RAP1A: variants seen among roughly 807,000 people sequenced by gnomAD.
The protein encoded by RAP1A is ras-related protein Rap-1A.
In RAP1A, 6 loss-of-function variants were observed where a neutral mutation model predicts 26.4. The observed-to-expected ratio is 0.23, with a 90% CI of 0.12 to 0.45. RAP1A has a LOEUF of 0.45. Ranked by LOEUF, RAP1A falls within the 20% of genes least tolerant of loss-of-function variation. The probability of loss-of-function intolerance (pLI) is 0.99; values close to 1 mark genes in which losing one functional copy is unlikely to be tolerated. For missense variants in RAP1A, 121 were observed against 217.2 expected (o/e 0.56, Z 2.78); for synonymous variants, 73 against 79.4 (o/e 0.92, Z 0.43).
At chr1:111,645,474 A>G (rs1253030931) in intron 1 of RAP1A, among the ~76,000 whole-genome samples, 1 of 152,204 alleles carries the variant, frequency 6.6e-6, no homozygotes, top group Non-Finnish European at 1.5e-5. Context: ...CATCAGTTAT[A>G]TAATAATATT....
chr1:111,696,536 G>A (rs894505484), intron 3 of RAP1A, among the ~76,000 whole-genome samples: 1 of 152,164 alleles, frequency 6.6e-6, no homozygotes, highest in African/African-American at 2.4e-5. Context: ...GACCAGTGGT[G>A]CCCCTCATCA....
At chr1:111,649,234 G>A (rs530408438) in intron 1 of RAP1A, 158 of 483,676 alleles carry the variant, frequency 3.3e-4, no homozygotes, top group African/African-American at 2.9e-3. Context: ...TTCTTCTCCA[G>A]GTGCTCCTGG....
intron 6 of RAP1A, among the ~76,000 whole-genome samples, chr1:111,705,989 A>T (rs1283966094): frequency 6.6e-6 from 1 of 152,206 alleles, no homozygotes; most frequent in Admixed American, 6.5e-5. Context: ...AGAGGACAGT[A>T]CACTACATGT....
At chr1:111,710,076 T>C (rs1290996469) in intron 7 of RAP1A, among the ~76,000 whole-genome samples, 1 of 152,212 alleles carries the variant, frequency 6.6e-6, no homozygotes, top group African/African-American at 2.4e-5. Flanking sequence ...TTTTTCAAAG[T>C]GGCTGTACCA....
At chr1:111,629,782 A>G (rs906893577) in intron 1 of RAP1A, among the ~76,000 whole-genome samples, 3 of 152,198 alleles carry the variant, frequency 2.0e-5, no homozygotes, top group African/African-American at 4.8e-5. Flanking sequence ...AAAAGCCCAG[A>G]TCTGGTCAAC....
chr1:111,700,367 T>A (rs1376186551), intron 4 of RAP1A, among the ~76,000 whole-genome samples: 2 of 152,176 alleles, frequency 1.3e-5, no homozygotes, highest in South Asian at 4.1e-4. Flanking sequence ...ACAATCATAG[T>A]GAAAGGCAAA....
At position 111,626,008 on chromosome 1, in the gene RAP1A, T is replaced by C. The variant is rs139035461; in HGVS notation, c.-28+6074T>C. On this transcript the variant is annotated intron_variant, in intron 1 of 7. Coordinates refer to ENST00000369709, the MANE Select transcript of RAP1A (RefSeq NM_002884.4). ...ATGTTTAAGTAACCCCAAATTAGGCTCTTTGATGGATACTGAGATGTGAAG... is the reference window on the plus strand; with the variant it reads ...ATGTTTAAGTAACCCCAAATTAGGCCCTTTGATGGATACTGAGATGTGAAG... 2.0e-3 allele frequency among the ~76,000 whole-genome samples: 305 copies of C among 152,302 alleles called. 2 individuals carry two copies. The highest frequency in any genetic ancestry group is 6.7e-3 in the African/African-American group (280 of 41,564).
intron 1 of RAP1A, among the ~76,000 whole-genome samples, chr1:111,582,270 G>A (rs1259330972): frequency 6.6e-6 from 1 of 152,190 alleles, no homozygotes; most frequent in Non-Finnish European, 1.5e-5. Flanking sequence ...GGGCAGGGCA[G>A]GGGCAGAGGT....
intron 1 of RAP1A, among the ~76,000 whole-genome samples, chr1:111,595,039 A>G (rs1658541677): frequency 6.6e-6 from 1 of 152,220 alleles, no homozygotes; most frequent in South Asian, 2.1e-4. Flanking sequence ...TGCTAAATAT[A>G]TATTACTGTT....
At chr1:111,596,881 G>T (rs1370272191) in intron 1 of RAP1A, among the ~76,000 whole-genome samples, 1 of 152,164 alleles carries the variant, frequency 6.6e-6, no homozygotes, top group Non-Finnish European at 1.5e-5. Flanking sequence ...TCACATTCAG[G>T]ATTAGCTTTC....
At chr1:111,600,929 T>C (rs757290941) in intron 1 of RAP1A, among the ~76,000 whole-genome samples, 5 of 152,236 alleles carry the variant, frequency 3.3e-5, no homozygotes, top group Admixed American at 6.5e-5. Context: ...ACATTCTTTA[T>C]GCATGTGAGC....
intron 1 of RAP1A, among the ~76,000 whole-genome samples, chr1:111,687,838 ACT>A (rs1388421449): frequency 6.6e-6 from 1 of 151,600 alleles, no homozygotes; most frequent in Non-Finnish European, 1.5e-5. Flanking sequence ...ACATAGTGAG[ACT>A]CTGTGTCTAC....
At chr1:111,646,420 T>TA (rs34766711) in intron 1 of RAP1A, among the ~76,000 whole-genome samples, 8,545 of 106,760 alleles carry the variant, frequency 0.08, 562 homozygotes, top group African/African-American at 0.22. Flanking sequence ...TTCCTTTTTG[T>TA]AAAAAAAAAA....
intron 1 of RAP1A, among the ~76,000 whole-genome samples, chr1:111,634,806 A>C (rs1271128358): frequency 6.6e-6 from 1 of 151,736 alleles, no homozygotes; most frequent in East Asian, 1.9e-4. Flanking sequence ...CGCCACGCCC[A>C]GCTAATTTTT....
At chr1:111,573,475 C>T (rs962984759) in intron 1 of RAP1A, among the ~76,000 whole-genome samples, 2 of 152,154 alleles carry the variant, frequency 1.3e-5, no homozygotes, top group African/African-American at 4.8e-5. Context: ...GCTGGGACTA[C>T]AGGGATGCGC....
intron 1 of RAP1A, among the ~76,000 whole-genome samples, chr1:111,684,147 T>C (rs1299669579): frequency 6.6e-6 from 1 of 152,172 alleles, no homozygotes; most frequent in Non-Finnish European, 1.5e-5. Context: ...AACTAGGTAC[T>C]GATGGAACAT....
intron 1 of RAP1A, among the ~76,000 whole-genome samples, chr1:111,561,449 T>C (rs1431985929): frequency 6.6e-6 from 1 of 152,178 alleles, no homozygotes; most frequent in Non-Finnish European, 1.5e-5. Flanking sequence ...ATGGAGGATC[T>C]GGTGGCCAGC....
At chr1:111,560,728 G>T (rs1657704666) in intron 1 of RAP1A, among the ~76,000 whole-genome samples, 1 of 152,164 alleles carries the variant, frequency 6.6e-6, no homozygotes, top group Admixed American at 6.5e-5. Context: ...CTAGCTTCAA[G>T]TAATGCTCCA....
At chr1:111,613,449 T>C (rs1414378807) in intron 1 of RAP1A, among the ~76,000 whole-genome samples, 2 of 152,326 alleles carry the variant, frequency 1.3e-5, no homozygotes. Context: ...TCCTCCCACC[T>C]TGGCCTCCCA....
Sources: allele counts gnomAD v4.1 joint callset (sites outside exome capture counted in the v4.1 genomes callset), GRCh38; gene constraint gnomAD v4.1.1; transcripts MANE v1.5; gene names NCBI Gene and HGNC (gene_info 2026-07-23, HGNC 2026-07-21).